MRPL37: variants seen among roughly 807,000 people sequenced by gnomAD.
MRPL37 encodes mitochondrial ribosomal protein L37.
MRPL37 carries 34 observed loss-of-function variants against 44.1 expected under a neutral mutation model. The ratio of observed to expected loss-of-function variants is 0.77; its 90% CI spans 0.59 to 1.03. MRPL37 has a LOEUF of 1.03. Ranked by LOEUF, MRPL37 falls within the 50% of genes least tolerant of loss-of-function variation. The pLI is 0.00. For synonymous variants in MRPL37, 212 were observed against 219.5 expected, an observed-to-expected ratio of 0.97 and a Z score of 0.30; for missense variants, 532 against 543.7, an observed-to-expected ratio of 0.98 and a Z score of 0.21.
chr1:54,219,124 C>T (rs189291850), downstream of MRPL37, among the ~76,000 whole-genome samples: 12 of 152,364 alleles, frequency 7.9e-5, no homozygotes, highest in African/African-American at 2.9e-4. Flanking sequence ...TCTGAGGCCT[C>T]ACCCAGTTCA....
chr1:54,203,860 T>C (rs1464125255), intron 1 of MRPL37, among the ~76,000 whole-genome samples: 2 of 152,196 alleles, frequency 1.3e-5, no homozygotes, highest in Non-Finnish European at 2.9e-5. Flanking sequence ...TAGGGTCAGC[T>C]AACTAGGTCA....
chr1:54,200,471 G>A lies in MRPL37; in HGVS notation c.228G>A (p.Pro76=), dbSNP rs769096621. 1 of 1,614,192 alleles carries A rather than the reference G, an allele frequency of 6.2e-7. No individual in the cohort carries two copies. The highest frequency in any genetic ancestry group is 8.5e-7 in the Non-Finnish European group (1 of 1,180,042). ...FVPWLARPIF[P]PWDRGYKDPR... is the part of the protein sequence containing the mutation. ...CCTGGCTGGCGCGGCCGATCTTTCC[G>A]CCCTGGGACCGCGGCTACAAGGACC... is the stretch of plus-strand genomic sequence containing the variant. The change falls in exon 1 of 7, where the codon CCG becomes CCA. Residue 76 remains proline (P), a synonymous_variant. Transcript: ENST00000360840.
chr1:54,207,880 A>G (rs1012710489), intron 3 of MRPL37, among the ~76,000 whole-genome samples: 1 of 152,178 alleles, frequency 6.6e-6, no homozygotes, highest in East Asian at 1.9e-4. Context: ...CAATTCTTAG[A>G]CATACAAGAA....
intron 3 of MRPL37, chr1:54,207,565 T>C (rs369186547): frequency 6.6e-6 from 1 of 152,168 alleles, no homozygotes; most frequent in Admixed American, 6.5e-5. Context: ...TGGCCCATCA[T>C]CAAGTATTAC....
At chr1:54,212,844 T>C (rs2100512128) in intron 5 of MRPL37, among the ~76,000 whole-genome samples, 186 bp downstream of exon 5, 1 of 152,330 alleles carries the variant, frequency 6.6e-6, no homozygotes, top group East Asian at 1.9e-4. Context: ...CTGCCTGTGC[T>C]TCACCTAAGT....
At chr1:54,209,259 C>T (rs933049490) in intron 3 of MRPL37, among the ~76,000 whole-genome samples, 11 of 152,116 alleles carry the variant, frequency 7.2e-5, no homozygotes, top group Non-Finnish European at 1.3e-4. Flanking sequence ...ACCATCAGCC[C>T]TCAGGGTTTA....
downstream of MRPL37, among the ~76,000 whole-genome samples, chr1:54,219,264 G>C (rs1407856969): frequency 6.6e-6 from 1 of 152,272 alleles, no homozygotes; most frequent in African/African-American, 2.4e-5. Flanking sequence ...TTGTTGGTCT[G>C]TAATTCCTGC....
downstream of MRPL37, chr1:54,220,982 GC>G (rs1644229988): frequency 2.7e-6 from 1 of 371,182 alleles, no homozygotes; most frequent in Admixed American, 3.6e-5. Flanking sequence ...TTCTAATTTG[GC>G]CTGGGGGAAA....
chr1:54,223,239 G>C (rs533624601), downstream of MRPL37, among the ~76,000 whole-genome samples: 1 of 152,184 alleles, frequency 6.6e-6, no homozygotes, highest in Non-Finnish European at 1.5e-5. Context: ...ACGCTCATCC[G>C]CCTGTAACCC....
chr1:54,218,413 G>A, downstream of MRPL37: 1 of 1,471,452 alleles, frequency 6.8e-7, no homozygotes, highest in Non-Finnish European at 8.9e-7. Context: ...GTGCCATCGG[G>A]AAGGGCGCCC....
chr1:54,206,909 G>T (rs937521058), intron 3 of MRPL37, among the ~76,000 whole-genome samples: 5 of 101,526 alleles, frequency 4.9e-5, no homozygotes, highest in African/African-American at 1.8e-4. Flanking sequence ...TAATTTTTGT[G>T]TGTGTGTGTG....
chr1:54,213,942 G>A lies in MRPL37; in HGVS notation c.990+1284G>A, dbSNP rs1644181424. Among the ~76,000 whole-genome samples, 2 of 152,308 alleles carry A rather than the reference G, an allele frequency of 1.3e-5. 1 individual carries two copies. The highest frequency in any genetic ancestry group is 1.3e-4 in the Admixed American group (2 of 15,306). On this transcript the variant is annotated intron_variant, in intron 5 of 6. Transcript: ENST00000360840. Reference sequence around the variant, plus strand: ...GCATACCTGTAATCCCAGCACTTTGGGAGGCCAAGGTGGGAGGATTACTTG... The same window carrying A: ...GCATACCTGTAATCCCAGCACTTTGAGAGGCCAAGGTGGGAGGATTACTTG...
rs149612643 is a variant in MRPL37 at position 54,210,016 on chromosome 1, C to T, written c.717C>T (p.Ile239=). 328 of 1,614,186 alleles carry T rather than the reference C, an allele frequency of 2.0e-4. No individual in the cohort carries two copies. In the African/African-American group the frequency reaches 3.5e-3, roughly 17 times the overall value. Residue 239 remains isoleucine, a synonymous_variant, in exon 4 of 7, where the codon ATC becomes ATT. Coordinates refer to ENST00000360840, the MANE Select transcript of MRPL37 (RefSeq NM_016491.4). ...GCACTAAGGATCCTCTGCCCACCAT[C>T]GCCTCCAGAGAGGAGATTGAAGCTA... The part of the protein sequence containing the change: ...RLSTKDPLPT[I]ASREEIEATK...
Position 54,205,088 on chromosome 1 carries a change from TG to T in MRPL37, c.418del (p.Val140LeufsTer8). The T allele has an allele frequency of 1.9e-6, 3 of 1,613,998 alleles. No individual in the cohort carries two copies. Among genetic ancestry groups the T allele is most frequent in the Non-Finnish European group, 2.5e-6 (3 of 1,180,012 alleles). On this transcript the variant is annotated frameshift_variant, in exon 2 of 7. Coordinates refer to ENST00000360840, the MANE Select transcript of MRPL37 (RefSeq NM_016491.4). LOFTEE classifies it high-confidence loss of function. The part of the protein sequence containing the change: ...EGLPEKVLSL[V>X]DDPRNHIENQ... ...GCCTTCCCGAGAAAGTGCTTAGCCT[TG>T]TTGATGATCCAAGGAACCACATAGA...
rs758380442 is a variant in MRPL37, at chr1:54,205,348, A to G, written c.584A>G (p.His195Arg). 1.2e-6 allele frequency: 2 copies of G among 1,614,182 alleles called. No homozygotes were observed. The highest frequency in any genetic ancestry group is 1.7e-5 in the Admixed American group (1 of 60,024). Residue 195 changes from histidine to arginine, a missense_variant, in exon 3 of 7, where the codon CAT becomes CGT. Coordinates refer to ENST00000360840, the MANE Select transcript of MRPL37 (RefSeq NM_016491.4). ...IQLCKSQILK[H>R]PSLARRICVQ... ...CTGTGTAAATCTCAGATTCTCAAGCATCCTTCTCTGGCCAGGAGGATCTGT... is the reference window on the plus strand; with the variant it reads ...CTGTGTAAATCTCAGATTCTCAAGCGTCCTTCTCTGGCCAGGAGGATCTGT...
chr1:54,221,697 CAT>C (rs988644877), downstream of MRPL37, among the ~76,000 whole-genome samples: 40 of 147,524 alleles, frequency 2.7e-4, no homozygotes, highest in East Asian at 1.2e-3. Context: ...CACACTCAGA[CAT>C]GTGCACACAC....
At chr1:54,209,399 G>A (rs1644147978) in intron 3 of MRPL37, among the ~76,000 whole-genome samples, 1 of 152,040 alleles carries the variant, frequency 6.6e-6, no homozygotes, top group Non-Finnish European at 1.5e-5. Context: ...ATGACTTGAG[G>A]CACATGGGAG....
At chr1:54,209,710 C>T (rs1006992883) in intron 3 of MRPL37, among the ~76,000 whole-genome samples, 2 of 152,122 alleles carry the variant, frequency 1.3e-5, no homozygotes, top group African/African-American at 2.4e-5. Flanking sequence ...CCACCCGCCT[C>T]AGCCTCCCAA....
chr1:54,212,689 T>A (rs1168171097), intron 5 of MRPL37, 31 bp downstream of exon 5: 6 of 1,613,468 alleles, frequency 3.7e-6, no homozygotes, highest in Admixed American at 1.7e-5. Flanking sequence ...ACTGAGTTGC[T>A]TTACGTGGTG....
Sources: allele counts gnomAD v4.1 joint callset (sites outside exome capture counted in the v4.1 genomes callset), GRCh38; gene constraint gnomAD v4.1.1; transcripts MANE v1.5; gene names NCBI Gene and HGNC (gene_info 2026-07-23, HGNC 2026-07-21).